Variants in JMJD1C observed in about 807,000 individuals in gnomAD.
The protein encoded by JMJD1C is jumonji domain-containing protein 1C.
A neutral mutation model predicts 245.3 loss-of-function variants in JMJD1C; 31 were observed. That is an observed-to-expected ratio of 0.13 (90% CI 0.09 to 0.17). JMJD1C has a LOEUF of 0.17. Ranked by LOEUF, JMJD1C falls within the 10% of genes least tolerant of loss-of-function variation. The pLI, the probability that JMJD1C is intolerant of heterozygous loss-of-function variation, is 1.00. For missense variants in JMJD1C, 2,691 were observed against 3,000.2 expected, an observed-to-expected ratio of 0.90 and a Z score of 2.41; for synonymous variants, 1,057 against 1,017.4, an observed-to-expected ratio of 1.04 and a Z score of -0.74.
intron 10 of JMJD1C, among the ~76,000 whole-genome samples, chr10:63,205,874 A>T (rs1846548445): frequency 1.3e-5 from 2 of 152,034 alleles, no homozygotes; most frequent in Admixed American, 1.3e-4. Context: ...CCCAGGCTGG[A>T]GTGCGGTGGT....
intron 2 of JMJD1C, among the ~76,000 whole-genome samples, chr10:63,307,391 T>A (rs1331656597): frequency 6.6e-6 from 1 of 152,232 alleles, no homozygotes; most frequent in Non-Finnish European, 1.5e-5. Context: ...GTTTCCAGGT[T>A]AAGATGGCGA....
At chr10:63,202,730 T>G (rs1846165619) in intron 10 of JMJD1C, 1 of 985,318 alleles carries the variant, frequency 1.0e-6, no homozygotes, top group Admixed American at 6.1e-5. Flanking sequence ...TCCAGAAGAC[T>G]TATGTAAAAT....
intron 10 of JMJD1C, chr10:63,205,136 C>T: frequency 1.8e-6 from 1 of 558,958 alleles, no homozygotes; most frequent in Non-Finnish European, 2.3e-6. Flanking sequence ...TTTTGTCCAG[C>T]TGTTGCCACA....
intron 2 of JMJD1C, among the ~76,000 whole-genome samples, chr10:63,351,081 T>G (rs1425198137): frequency 1.2e-4 from 16 of 139,120 alleles, no homozygotes; most frequent in Non-Finnish European, 1.6e-5. Flanking sequence ...GAAATTTTTC[T>G]TTTTTTTTTT....
At chr10:63,171,518 G>A (rs1031264375) in intron 24 of JMJD1C, among the ~76,000 whole-genome samples, 2 of 152,196 alleles carry the variant, frequency 1.3e-5, no homozygotes, top group Non-Finnish European at 2.9e-5. Flanking sequence ...TTCTTCCCTA[G>A]CACTGCTGGC....
intron 16 of JMJD1C, among the ~76,000 whole-genome samples, chr10:63,191,940 T>C (rs1211717811): frequency 3.3e-5 from 4 of 121,340 alleles, no homozygotes; most frequent in Non-Finnish European, 4.7e-5. Flanking sequence ...GCCGAGATCA[T>C]GCCATTGCAC....
At chr10:63,354,908 A>T (rs1944700579) in intron 2 of JMJD1C, among the ~76,000 whole-genome samples, 1 of 150,538 alleles carries the variant, frequency 6.6e-6, no homozygotes, top group African/African-American at 2.4e-5. Flanking sequence ...CTGTGGTCCC[A>T]GCTACTTGGG....
At chr10:63,521,276 C>G (rs973613153) in intron 1 of JMJD1C, 2 of 148,418 alleles carry the variant, frequency 1.3e-5, no homozygotes, top group Admixed American at 1.3e-4. Context: ...AACGCGCCGC[C>G]GCCACCGCCT....
rs57311354 is a variant in JMJD1C, at chr10:63,433,096, AT to A, written c.168+32398del. Among the ~76,000 whole-genome samples, 195 of 145,856 alleles carry A rather than the reference AT, an allele frequency of 1.3e-3. No individual in the cohort carries two copies. In the East Asian group the frequency reaches 0.016, roughly 12 times the overall value. On this transcript the variant is annotated intron_variant, in intron 1 of 25. Transcript: ENST00000399262. Reference sequence around the variant, plus strand: ...GGGATTTATTTATTTTATTATTATCATTTTTTTTTTTTGAGACAGAGTTTTG... The same window carrying A: ...GGGATTTATTTATTTTATTATTATCATTTTTTTTTTTGAGACAGAGTTTTG...
chr10:63,493,536 C>T (rs550014085), intron 1 of JMJD1C, among the ~76,000 whole-genome samples: 53 of 152,222 alleles, frequency 3.5e-4, no homozygotes, highest in East Asian at 2.5e-3. Context: ...CCTGACTTGG[C>T]CTCCCAAAGT....
intron 22 of JMJD1C, among the ~76,000 whole-genome samples, chr10:63,181,554 T>TAAAATGTTGCCC (rs1843483165): frequency 6.6e-6 from 1 of 152,224 alleles, no homozygotes; most frequent in Non-Finnish European, 1.5e-5. Context: ...ATTATAACCC[T>TAAAATGTTGCCC]AAAATGTTGC....
At chr10:63,337,189 T>C (rs1942823275) in intron 2 of JMJD1C, among the ~76,000 whole-genome samples, 2 of 151,538 alleles carry the variant, frequency 1.3e-5, no homozygotes, top group Non-Finnish European at 2.9e-5. Flanking sequence ...TGTAAAATCA[T>C]AGAAACTCCA....
intron 3 of JMJD1C, among the ~76,000 whole-genome samples, chr10:63,248,125 G>A (rs556126367): frequency 6.6e-6 from 1 of 150,966 alleles, no homozygotes; most frequent in Admixed American, 6.6e-5. Context: ...CACTCAGGAC[G>A]CTGAAGCAGT....
intron 1 of JMJD1C, 59 bp downstream of exon 1, chr10:63,465,436 C>T (rs1419072894): frequency 4.7e-6 from 7 of 1,479,320 alleles, no homozygotes; most frequent in South Asian, 1.3e-5. Flanking sequence ...CTGCAAGGTA[C>T]GTCTGCGAGA....
At chr10:63,398,217 G>C (rs1196007550) in intron 1 of JMJD1C, among the ~76,000 whole-genome samples, 1 of 152,052 alleles carries the variant, frequency 6.6e-6, no homozygotes, top group Non-Finnish European at 1.5e-5. Flanking sequence ...TCCACATATT[G>C]CAACTGTTTG....
Position 63,465,951 on chromosome 10 carries a change from C to G in JMJD1C, c.-289G>C. 1.9e-6 allele frequency: 1 copy of G among 526,814 alleles called. No individual in the cohort carries two copies. Among genetic ancestry groups the G allele is most frequent in the South Asian group, 1.9e-5 (1 of 52,712 alleles). 32.6% of individuals were successfully genotyped at this position (526,814 alleles called of 1,614,324 possible). On this transcript the variant is annotated 5_prime_UTR_variant, in exon 1 of 26. Coordinates refer to ENST00000399262, the MANE Select transcript of JMJD1C (RefSeq NM_032776.3). ...GTCGAAGACCCCGAGGCAGCCCAGC[C>G]GCCGCCACCGCGCCGCGGCCAGTAC...
rs35997229 is a variant in JMJD1C at position 63,197,831 on chromosome 10, T to G, written c.5492-268A>C. ...TTGACATTTTAGGTTGAATAATTCT[T>G]TGTTGGGAGGGATTACTCTGTGCAT... On this transcript the variant is annotated intron_variant, in intron 12 of 25. Coordinates refer to ENST00000399262, the MANE Select transcript of JMJD1C (RefSeq NM_032776.3). Among the ~76,000 whole-genome samples, 10 of 152,322 alleles carry G rather than the reference T, an allele frequency of 6.6e-5. No homozygotes were observed. In the East Asian group the frequency reaches 1.7e-3, roughly 26 times the overall value.
At chr10:63,372,717 A>G (rs1244099104) in intron 2 of JMJD1C, among the ~76,000 whole-genome samples, 1 of 152,244 alleles carries the variant, frequency 6.6e-6, no homozygotes, top group Non-Finnish European at 1.5e-5. Context: ...AACCATACAT[A>G]GATGACTAAG....
At chr10:63,476,612 C>G (rs927424546) in intron 1 of JMJD1C, among the ~76,000 whole-genome samples, 1 of 152,038 alleles carries the variant, frequency 6.6e-6, no homozygotes, top group Non-Finnish European at 1.5e-5. Flanking sequence ...GCAGCCCAAG[C>G]TACTTGGGAG....
Sources: allele counts gnomAD v4.1 joint callset (sites outside exome capture counted in the v4.1 genomes callset), GRCh38; gene constraint gnomAD v4.1.1; transcripts MANE v1.5; gene names NCBI Gene and HGNC (gene_info 2026-07-23, HGNC 2026-07-21).